SEPTIN7: variants seen among roughly 807,000 people sequenced by gnomAD.
SEPTIN7 encodes septin 7.
Under a neutral mutation model 63.3 loss-of-function variants are expected in SEPTIN7, and 10 were observed. The ratio of observed to expected loss-of-function variants is 0.16; its 90% CI spans 0.10 to 0.27. The LOEUF (loss-of-function observed/expected upper bound fraction) is 0.27. Among genes scored for constraint, SEPTIN7 ranks in the 10% least tolerant of loss-of-function variants. SEPTIN7 has a pLI of 1.00. For synonymous variants in SEPTIN7, 131 were observed against 165.3 expected, an observed-to-expected ratio of 0.79 and a Z score of 1.59; for missense variants, 310 against 521.0, an observed-to-expected ratio of 0.59 and a Z score of 3.94.
At chr7:35,883,065 A>G (rs1199573299) in intron 8 of SEPTIN7, among the ~76,000 whole-genome samples, 1 of 152,084 alleles carries the variant, frequency 6.6e-6, no homozygotes, top group Non-Finnish European at 1.5e-5. Flanking sequence ...AATGTTCCCA[A>G]TACAGAAAAA....
intron 4 of SEPTIN7, among the ~76,000 whole-genome samples, chr7:35,869,197 CAG>C (rs748802520): frequency 6.6e-6 from 1 of 152,026 alleles, no homozygotes; most frequent in Non-Finnish European, 1.5e-5. Flanking sequence ...TGTAAGGAGA[CAG>C]GGATATGAGA....
At chr7:35,811,218 T>A (rs528151250) in intron 1 of SEPTIN7, among the ~76,000 whole-genome samples, 5 of 152,230 alleles carry the variant, frequency 3.3e-5, no homozygotes, top group East Asian at 1.9e-4. Flanking sequence ...TATATTTTTT[T>A]AAAAAATAAG....
intron 3 of SEPTIN7, among the ~76,000 whole-genome samples, chr7:35,849,238 C>T (rs922035034): frequency 1.3e-5 from 2 of 152,130 alleles, no homozygotes; most frequent in African/African-American, 4.8e-5. Flanking sequence ...GTAGTCTAGA[C>T]CAGTGGCTCC....
At chr7:35,855,427 G>T (rs1314750245) in intron 3 of SEPTIN7, among the ~76,000 whole-genome samples, 1 of 152,154 alleles carries the variant, frequency 6.6e-6, no homozygotes, top group African/African-American at 2.4e-5. Context: ...AAGGCATGTA[G>T]ATTTAAATTT....
At position 35,883,283 on chromosome 7, in the gene SEPTIN7, G is replaced by C. The variant is rs73695013; in HGVS notation, c.724-608G>C. On this transcript the variant is annotated intron_variant, in intron 8 of 13. Coordinates refer to ENST00000350320, the MANE Select transcript of SEPTIN7 (RefSeq NM_001788.6). ...ACTTTGGCCCTAAAAATGGTATACT[G>C]AATAATGGCATTATGTAGGCAAATA... 1.5e-3 allele frequency among the ~76,000 whole-genome samples: 232 copies of C among 152,130 alleles called. 1 individual carries two copies. The highest frequency in any genetic ancestry group is 5.1e-3 in the African/African-American group (211 of 41,534).
At chr7:35,876,529 AT>A (rs977545937) in intron 6 of SEPTIN7, among the ~76,000 whole-genome samples, 8 of 152,216 alleles carry the variant, frequency 5.3e-5, no homozygotes, top group African/African-American at 1.9e-4. Flanking sequence ...AAAACTTAAA[AT>A]TTTTTTTCAA....
At chr7:35,863,066 G>GT (rs1175720159) in intron 3 of SEPTIN7, among the ~76,000 whole-genome samples, 2 of 152,064 alleles carry the variant, frequency 1.3e-5, no homozygotes, top group African/African-American at 4.8e-5. Context: ...GAATTAGAAA[G>GT]TATGTTTTGT....
chr7:35,866,898 AT>A (rs2116177825), intron 4 of SEPTIN7, among the ~76,000 whole-genome samples: 1 of 152,284 alleles, frequency 6.6e-6, no homozygotes, highest in African/African-American at 2.4e-5. Flanking sequence ...CGAAACACAG[AT>A]TGCTGAGTCC....
chr7:35,909,525 G>C (rs1021468968), downstream of SEPTIN7, among the ~76,000 whole-genome samples: 1 of 152,152 alleles, frequency 6.6e-6, no homozygotes, highest in African/African-American at 2.4e-5. Flanking sequence ...CACCAAATGC[G>C]AATGTTTTAG....
At chr7:35,837,850 G>A (rs772759092) in intron 3 of SEPTIN7, among the ~76,000 whole-genome samples, 1 of 152,078 alleles carries the variant, frequency 6.6e-6, no homozygotes, top group Non-Finnish European at 1.5e-5. Context: ...TCCTGCTTCA[G>A]CCTCCCTGGG....
At chr7:35,865,667 A>G (rs1785771871) in intron 4 of SEPTIN7, among the ~76,000 whole-genome samples, 1 of 151,988 alleles carries the variant, frequency 6.6e-6, no homozygotes. Flanking sequence ...TTTGATTTCT[A>G]GTGAGGTTGA....
chr7:35,853,689 C>T (rs1334716004), intron 3 of SEPTIN7, among the ~76,000 whole-genome samples: 2 of 152,142 alleles, frequency 1.3e-5, no homozygotes, highest in African/African-American at 4.8e-5. Context: ...GTGCCTAGCT[C>T]AATGTCTTTC....
chr7:35,882,878 A>G (rs1305992095), intron 8 of SEPTIN7, among the ~76,000 whole-genome samples: 1 of 152,088 alleles, frequency 6.6e-6, no homozygotes, highest in Non-Finnish European at 1.5e-5. Context: ...AAAGGAGAGA[A>G]TTCGTTCTGT....
chr7:35,852,751 G>T (rs1274341341), intron 3 of SEPTIN7, among the ~76,000 whole-genome samples: 1 of 151,998 alleles, frequency 6.6e-6, no homozygotes, highest in Non-Finnish European at 1.5e-5. Flanking sequence ...GAATCATTAA[G>T]ACAATACAAT....
At chr7:35,801,643 C>T (rs1047797232) in intron 1 of SEPTIN7, among the ~76,000 whole-genome samples, 2 of 152,152 alleles carry the variant, frequency 1.3e-5, no homozygotes, top group African/African-American at 2.4e-5. Flanking sequence ...CCGGGCCCGC[C>T]GGCTTCCGCG....
At chr7:35,814,317 TTATAGATTTG>T (rs1157870917) in intron 1 of SEPTIN7, among the ~76,000 whole-genome samples, 1 of 152,234 alleles carries the variant, frequency 6.6e-6, no homozygotes, top group Non-Finnish European at 1.5e-5. Flanking sequence ...TTACTCATTC[TTATAGATTTG>T]TAGAGATAAC....
chr7:35,806,984 A>T (rs1027293441), intron 1 of SEPTIN7, among the ~76,000 whole-genome samples: 1 of 152,200 alleles, frequency 6.6e-6, no homozygotes, highest in Non-Finnish European at 1.5e-5. Context: ...ACTATTTTCC[A>T]CCAGTTTTGC....
the SEPTIN7 span, among the ~76,000 whole-genome samples, chr7:35,913,173 C>T: frequency 6.6e-6 from 1 of 152,152 alleles, no homozygotes; most frequent in East Asian, 1.9e-4. Flanking sequence ...GTTATGGACT[C>T]TCAGAGCCAC....
At chr7:35,815,211 C>A in intron 1 of SEPTIN7, 1 of 419,972 alleles carries the variant, frequency 2.4e-6, no homozygotes, top group Non-Finnish European at 4.7e-6. Flanking sequence ...CAACCATTGT[C>A]CAAGGAGTCC....
Sources: allele counts gnomAD v4.1 joint callset (sites outside exome capture counted in the v4.1 genomes callset), GRCh38; gene constraint gnomAD v4.1.1; transcripts MANE v1.5; gene names NCBI Gene and HGNC (gene_info 2026-07-23, HGNC 2026-07-21).